Variants in NEBL observed in about 807,000 individuals in gnomAD.
The protein encoded by NEBL is LIM and SH3 protein 2.
Under a neutral mutation model 140.2 loss-of-function variants are expected in NEBL, and 122 were observed. That is an observed-to-expected ratio of 0.87 (90% confidence interval 0.75 to 1.01). The LOEUF is 1.01. NEBL is among the 50% of genes least tolerant of loss of function. The probability of loss-of-function intolerance (pLI) is 0.00; values close to 1 mark genes in which losing one functional copy is unlikely to be tolerated. For missense variants in NEBL, 1,365 were observed against 1,231.3 expected (o/e 1.11, Z -1.62); for synonymous variants, 436 against 398.9 (o/e 1.09, Z -1.11).
intron 4 of NEBL, among the ~76,000 whole-genome samples, chr10:20,934,056 A>C (rs1341967655): frequency 6.6e-6 from 1 of 152,120 alleles, no homozygotes; most frequent in Non-Finnish European, 1.5e-5. Context: ...AAAAGGCCCC[A>C]TTTTACACTT....
chr10:21,062,352 A>G (rs1033926645), intron 2 of NEBL, among the ~76,000 whole-genome samples: 2 of 152,034 alleles, frequency 1.3e-5, no homozygotes, highest in Non-Finnish European at 2.9e-5. Flanking sequence ...ATGTATGCCT[A>G]GGGGTGCTGT....
intron 2 of NEBL, among the ~76,000 whole-genome samples, chr10:21,095,016 C>G (rs141253990): frequency 8.5e-5 from 13 of 152,268 alleles, no homozygotes; most frequent in Non-Finnish European, 1.6e-4. Flanking sequence ...TATTCAAAAT[C>G]TGACACCACT....
At chr10:21,084,545 C>T (rs1237651399) in intron 2 of NEBL, among the ~76,000 whole-genome samples, 1 of 151,622 alleles carries the variant, frequency 6.6e-6, no homozygotes, top group Admixed American at 6.6e-5. Context: ...TGCAGTGAGC[C>T]GAGATCGTGC....
chr10:21,042,071 C>T (rs566942389), intron 2 of NEBL, among the ~76,000 whole-genome samples: 36 of 152,270 alleles, frequency 2.4e-4, no homozygotes, highest in African/African-American at 7.9e-4. Flanking sequence ...TATCTTGTGC[C>T]GACCTCCTAT....
chr10:20,939,128 CAT>C (rs1159460615), intron 4 of NEBL, among the ~76,000 whole-genome samples: 3 of 152,112 alleles, frequency 2.0e-5, no homozygotes, highest in African/African-American at 7.2e-5. Context: ...CTCCAAGACA[CAT>C]AACTGTCAGA....
chr10:21,040,043 TAAG>T (rs766502644), intron 2 of NEBL, among the ~76,000 whole-genome samples: 4 of 152,312 alleles, frequency 2.6e-5, no homozygotes, highest in Admixed American at 6.5e-5. Flanking sequence ...TGTGTTGATA[TAAG>T]AATACCTGAG....
chr10:21,054,846 T>TTTTCAA (rs1317188585), intron 2 of NEBL, among the ~76,000 whole-genome samples: 1 of 152,198 alleles, frequency 6.6e-6, no homozygotes, highest in Non-Finnish European at 1.5e-5. Flanking sequence ...ATGCCCAAAT[T>TTTTCAA]TTTCAATTTC....
chr10:21,152,830 T>C (rs1381912292), intron 2 of NEBL, among the ~76,000 whole-genome samples: 1 of 152,214 alleles, frequency 6.6e-6, no homozygotes, highest in African/African-American at 2.4e-5. Flanking sequence ...TCCTTCTTTA[T>C]TCTTCTAAAA....
intron 5 of NEBL, among the ~76,000 whole-genome samples, chr10:20,870,507 C>T (rs1830428609): frequency 6.6e-6 from 1 of 152,032 alleles, no homozygotes; most frequent in South Asian, 2.1e-4. Flanking sequence ...CTTCAACTTG[C>T]CCATCACAAA....
chr10:20,781,871 C>A lies in NEBL; in HGVS notation c.*3876G>T, dbSNP rs1228294880. ...ACTAAAAGCTCTCCCACCTCCATATCACCTTAACCAAAACAACCACAATCT... is the reference window on the plus strand; with the variant it reads ...ACTAAAAGCTCTCCCACCTCCATATAACCTTAACCAAAACAACCACAATCT... On this transcript the variant is annotated 3_prime_UTR_variant, in exon 28 of 28. Transcript: ENST00000377122. The A allele has an allele frequency of 6.6e-6, 1 of 152,586 alleles. No individual in the cohort carries two copies. The highest frequency in any genetic ancestry group is 2.4e-5 in the African/African-American group (1 of 41,436). The allele number at this position is 152,586 out of a possible 1,614,324, so 9.5% of individuals were successfully genotyped here. A position where few individuals can be genotyped will look rare whatever the true frequency, so the allele number is the denominator to read the frequency against.
Position 20,783,435 on chromosome 10 carries a change from C to T in NEBL, c.*2312G>A, listed in dbSNP as rs979280333. The T allele has an allele frequency of 1.3e-5, 2 of 152,092 alleles. No homozygotes were observed. Among genetic ancestry groups the T allele is most frequent in the African/African-American group, 2.4e-5 (1 of 41,422 alleles). 9.4% of individuals were successfully genotyped at this position (152,092 alleles called of 1,614,324 possible). On this transcript the variant is annotated 3_prime_UTR_variant, in exon 28 of 28. Transcript: ENST00000377122. ...ATATTTTGCTATGCAAACATTATTA[C>T]GTGAAGCTTAAAATTTTAGGAGACT...
intron 3 of NEBL, among the ~76,000 whole-genome samples, chr10:21,195,621 C>T (rs1396072435): frequency 6.6e-6 from 1 of 152,190 alleles, no homozygotes; most frequent in Non-Finnish European, 1.5e-5. Context: ...GAAAAACAAA[C>T]TCATCTTCAC....
intron 1 of NEBL, among the ~76,000 whole-genome samples, chr10:21,265,946 A>G (rs1459864368): frequency 6.6e-6 from 1 of 152,178 alleles, no homozygotes; most frequent in Non-Finnish European, 1.5e-5. Flanking sequence ...TATCCCAACC[A>G]AGGGTGAAGA....
At chr10:21,058,931 G>T (rs890101663) in intron 2 of NEBL, among the ~76,000 whole-genome samples, 2 of 152,170 alleles carry the variant, frequency 1.3e-5, no homozygotes, top group African/African-American at 4.8e-5. Context: ...GCAGGTCAAA[G>T]GTTCTAAGCC....
chr10:20,862,212 A>C (rs989003542), intron 7 of NEBL, among the ~76,000 whole-genome samples: 3 of 152,202 alleles, frequency 2.0e-5, no homozygotes, highest in Non-Finnish European at 4.4e-5. Flanking sequence ...ACAATAATCA[A>C]TCTGTTATTC....
intron 2 of NEBL, among the ~76,000 whole-genome samples, chr10:21,037,401 C>A (rs1834057585): frequency 6.6e-6 from 1 of 151,288 alleles, no homozygotes; most frequent in Non-Finnish European, 1.5e-5. Flanking sequence ...AATATCACAA[C>A]AAAATCAAGT....
intron 2 of NEBL, among the ~76,000 whole-genome samples, chr10:21,044,873 G>A (rs550136772): frequency 6.6e-6 from 1 of 152,190 alleles, no homozygotes; most frequent in East Asian, 1.9e-4. Context: ...GTTTGTCTAG[G>A]GGAGGAGGAG....
At position 20,831,583 on chromosome 10, in the gene NEBL, T is replaced by G. The variant is rs767981910; in HGVS notation, c.1450A>C (p.Lys484Gln). 1.9e-6 allele frequency: 3 copies of G among 1,586,872 alleles called. No individual in the cohort carries two copies. Among genetic ancestry groups the G allele is most frequent in the African/African-American group, 2.7e-5 (2 of 74,154 alleles). Reference protein sequence around the residue: ...AKKAAEIASEKDYKRDLETEI... With the variant: ...AKKAAEIASEQDYKRDLETEI... ...GTCTCCAGATCTCTTTTATAGTCTT[T>G]CTGCAGAAAATGAAACATACAGTTA... The change falls in exon 15 of 28, where the codon AAA (lysine) becomes CAA (glutamine). Residue 484 changes from lysine (K) to glutamine (Q), a missense_variant and splice_region_variant. Transcript: ENST00000377122.
At chr10:20,973,069 G>A (rs1836648729) in intron 3 of NEBL, among the ~76,000 whole-genome samples, 1 of 152,050 alleles carries the variant, frequency 6.6e-6, no homozygotes, top group Non-Finnish European at 1.5e-5. Context: ...AACCGTAAGA[G>A]CTCCACATTA....
Sources: gnomAD v4.1 joint callset for allele counts (sites outside exome capture counted in the v4.1 genomes callset) on GRCh38, gnomAD v4.1.1 for gene constraint, MANE v1.5 for transcripts, NCBI Gene and HGNC (gene_info 2026-07-23, HGNC 2026-07-21) for gene names.